AKAP13: variants seen among roughly 807,000 people sequenced by gnomAD.
AKAP13 encodes the protein A-kinase anchoring protein 13, also known as A-kinase anchor protein 13.
A neutral mutation model predicts 264.5 loss-of-function variants in AKAP13; 80 were observed. The ratio of observed to expected loss-of-function variants is 0.30; its 90% confidence interval spans 0.25 to 0.36. The LOEUF is 0.36. Ranked by LOEUF, AKAP13 falls within the 10% of genes least tolerant of loss-of-function variation. The pLI is 1.00. For missense variants in AKAP13, 3,712 were observed against 3,435.2 expected, an observed-to-expected ratio of 1.08 and a Z score of -2.01; for synonymous variants, 1,380 against 1,250.2, an observed-to-expected ratio of 1.10 and a Z score of -2.19.
At chr15:85,606,377 C>G (rs1021558191) in intron 8 of AKAP13, among the ~76,000 whole-genome samples, 2 of 152,154 alleles carry the variant, frequency 1.3e-5, no homozygotes, top group African/African-American at 4.8e-5. Flanking sequence ...GCTGGGATTA[C>G]AGGCATGAGC....
chr15:85,503,571 G>C (rs12910373), intron 2 of AKAP13, among the ~76,000 whole-genome samples: 77,069 of 151,946 alleles, frequency 0.51, 20,089 homozygotes, highest in Middle Eastern at 0.61. Context: ...GCTGGGCTCC[G>C]TGACTTAGGC....
At chr15:85,686,191 A>ATATG (rs1555459330) in intron 16 of AKAP13, among the ~76,000 whole-genome samples, 2 of 151,354 alleles carry the variant, frequency 1.3e-5, no homozygotes, top group Non-Finnish European at 2.9e-5. Context: ...ACGTGCATGC[A>ATATG]TGTGTGTGTG....
At chr15:85,511,953 C>T (rs958207246) in intron 2 of AKAP13, among the ~76,000 whole-genome samples, 1 of 152,064 alleles carries the variant, frequency 6.6e-6, no homozygotes, top group Admixed American at 6.6e-5. Context: ...CTTCTTAGGA[C>T]GTGACTGTGA....
At chr15:85,460,862 T>G (rs1303016712) in intron 1 of AKAP13, among the ~76,000 whole-genome samples, 1 of 152,110 alleles carries the variant, frequency 6.6e-6, no homozygotes, top group Non-Finnish European at 1.5e-5. Context: ...TAGAGCCTCC[T>G]GAAAGGAATG....
intron 5 of AKAP13, among the ~76,000 whole-genome samples, chr15:85,570,111 ATTTAC>A (rs2078762115): frequency 6.8e-6 from 1 of 146,624 alleles, no homozygotes; most frequent in South Asian, 2.2e-4. Context: ...GGATTTTGAT[ATTTAC>A]TTATCACTGG....
chr15:85,532,606 A>G (rs2077275979), intron 3 of AKAP13, among the ~76,000 whole-genome samples: 1 of 152,240 alleles, frequency 6.6e-6, no homozygotes, highest in Non-Finnish European at 1.5e-5. Context: ...AGTTCTGGCT[A>G]TTTGAGATCA....
rs142054795 is a variant in AKAP13, at chr15:85,649,954, G to A, written c.4374+4000G>A. 5.4e-3 allele frequency among the ~76,000 whole-genome samples: 819 copies of A among 152,080 alleles called. 2 individuals are homozygous for A. Among genetic ancestry groups the A allele is most frequent in the Non-Finnish European group, 8.2e-3 (560 of 67,994 alleles). On this transcript the variant is annotated intron_variant, in intron 10 of 36. Transcript: ENST00000394518. ...GAGAGGTAAATCAAGGTCCTTCCAT[G>A]TTATTTTTCTTCCCCAGGTTAGCAG...
chr15:85,678,119 C>G (rs1163749021), intron 14 of AKAP13, among the ~76,000 whole-genome samples: 1 of 152,190 alleles, frequency 6.6e-6, no homozygotes, highest in Non-Finnish European at 1.5e-5. Context: ...GAAATTCCCC[C>G]TTCATGAAAA....
intron 2 of AKAP13, among the ~76,000 whole-genome samples, chr15:85,504,805 A>G (rs532456723): frequency 1.3e-5 from 2 of 152,090 alleles, no homozygotes; most frequent in South Asian, 2.1e-4. Flanking sequence ...TAATAATTCT[A>G]CCACTTCCAG....
At chr15:85,691,361 C>T (rs1336076998) in intron 16 of AKAP13, among the ~76,000 whole-genome samples, 1 of 152,130 alleles carries the variant, frequency 6.6e-6, no homozygotes, top group Admixed American at 6.5e-5. Context: ...TGGTTATATC[C>T]CCATGGTCCT....
intron 14 of AKAP13, among the ~76,000 whole-genome samples, chr15:85,678,906 T>C (rs1354948089): frequency 6.6e-6 from 1 of 151,462 alleles, no homozygotes; most frequent in Non-Finnish European, 1.5e-5. Flanking sequence ...TCAAAGTATT[T>C]GTAATATACC....
intron 1 of AKAP13, among the ~76,000 whole-genome samples, chr15:85,439,032 A>C (rs1480573894): frequency 6.7e-6 from 1 of 148,928 alleles, no homozygotes; most frequent in Non-Finnish European, 1.5e-5. Context: ...TGAACAGGCA[A>C]CCTACAAAAT....
intron 12 of AKAP13, chr15:85,662,253 C>A: frequency 2.6e-6 from 2 of 762,734 alleles, no homozygotes; most frequent in Non-Finnish European, 4.5e-6. Flanking sequence ...GTCAGTGTTA[C>A]ATTCCTAAAT....
intron 1 of AKAP13, among the ~76,000 whole-genome samples, chr15:85,426,859 G>A (rs1289780835): frequency 6.6e-6 from 1 of 151,882 alleles, no homozygotes; most frequent in Non-Finnish European, 1.5e-5. Context: ...AATTCTTGTG[G>A]CCATCATTGG....
At chr15:85,589,223 A>G (rs1221181325) in intron 8 of AKAP13, among the ~76,000 whole-genome samples, 1 of 152,216 alleles carries the variant, frequency 6.6e-6, no homozygotes, top group Non-Finnish European at 1.5e-5. Flanking sequence ...GAAAGAGAGC[A>G]GAGGTCGGCA....
At chr15:85,416,159 G>A (rs564438837) in intron 1 of AKAP13, among the ~76,000 whole-genome samples, 21 of 152,336 alleles carry the variant, frequency 1.4e-4, no homozygotes, top group African/African-American at 4.1e-4. Context: ...TAATTGTAGA[G>A]TTTATTGTAC....
At chr15:85,426,942 ATTGTTTTGTT>A (rs1195985467) in intron 1 of AKAP13, among the ~76,000 whole-genome samples, 1 of 125,076 alleles carries the variant, frequency 8.0e-6, no homozygotes, top group Non-Finnish European at 1.6e-5. Flanking sequence ...CCTCCTTAGT[ATTGTTTTGTT>A]TTGTTTTTTT....
chr15:85,551,447 G>A (rs2077960798), intron 5 of AKAP13, among the ~76,000 whole-genome samples: 1 of 152,214 alleles, frequency 6.6e-6, no homozygotes, highest in Admixed American at 6.5e-5. Flanking sequence ...TAGCTGGTAA[G>A]TGATGGAGGA....
chr15:85,588,556 G>A (rs929423502), intron 8 of AKAP13, among the ~76,000 whole-genome samples: 3 of 152,176 alleles, frequency 2.0e-5, no homozygotes, highest in African/African-American at 7.2e-5. Flanking sequence ...GCTTTCTGAT[G>A]AGGGATATCT....
Sources: allele counts gnomAD v4.1 joint callset (sites outside exome capture counted in the v4.1 genomes callset), GRCh38; gene constraint gnomAD v4.1.1; transcripts MANE v1.5; gene names NCBI Gene and HGNC (gene_info 2026-07-23, HGNC 2026-07-21).